The following TMEM266 variants were observed in gnomAD, a reference collection of about 807,000 sequenced individuals.
TMEM266 encodes the protein Hv1 related protein 1.
Under a neutral mutation model 50.5 loss-of-function variants are expected in TMEM266, and 33 were observed. The observed-to-expected ratio is 0.65, with a 90% CI of 0.50 to 0.87. The LOEUF (loss-of-function observed/expected upper bound fraction) is 0.87, where lower values mean the gene tolerates loss of function less well. TMEM266 is among the 40% of genes least tolerant of loss of function. The pLI, the probability that TMEM266 is intolerant of heterozygous loss-of-function variation, is 0.00. For synonymous variants in TMEM266, 310 were observed against 292.3 expected, an observed-to-expected ratio of 1.06 and a Z score of -0.62; for missense variants, 655 against 695.1, an observed-to-expected ratio of 0.94 and a Z score of 0.65.
At chr15:76,090,491 CAAAAAAAA>C (rs34778511) in intron 1 of TMEM266, among the ~76,000 whole-genome samples, 7 of 74,364 alleles carry the variant, frequency 9.4e-5, no homozygotes, top group African/African-American at 3.2e-4. Flanking sequence ...GACTCTGTCT[CAAAAAAAA>C]AAAAAAAAAA....
At chr15:76,102,365 G>T (rs1054668800) in intron 1 of TMEM266, among the ~76,000 whole-genome samples, 9 of 152,178 alleles carry the variant, frequency 5.9e-5, no homozygotes, top group Non-Finnish European at 1.3e-4. Context: ...CTGGGAGATA[G>T]GGAATGTGGG....
intron 1 of TMEM266, among the ~76,000 whole-genome samples, chr15:76,130,260 G>A (rs1053594099): frequency 7.4e-6 from 1 of 135,158 alleles, no homozygotes; most frequent in African/African-American, 2.8e-5. Context: ...AAAAACCGCC[G>A]GGTGCAGTGT....
intron 9 of TMEM266, among the ~76,000 whole-genome samples, chr15:76,198,016 G>A (rs1305358001): frequency 6.6e-6 from 1 of 152,238 alleles, no homozygotes; most frequent in Non-Finnish European, 1.5e-5. Context: ...AAAGGCGCCA[G>A]GCAGCAGAGA....
intron 8 of TMEM266, among the ~76,000 whole-genome samples, chr15:76,180,782 T>G (rs2142071151): frequency 6.6e-6 from 1 of 151,728 alleles, no homozygotes; most frequent in South Asian, 2.1e-4. Context: ...CCCAGCTAAT[T>G]TTTGTATTTT....
intron 1 of TMEM266, among the ~76,000 whole-genome samples, chr15:76,088,396 A>G (rs1295239764): frequency 1.3e-5 from 2 of 152,136 alleles, no homozygotes; most frequent in Non-Finnish European, 2.9e-5. Flanking sequence ...GCTCACACCT[A>G]CAATCCTAGC....
At chr15:76,073,764 C>T (rs2036569304) in intron 1 of TMEM266, among the ~76,000 whole-genome samples, 1 of 152,216 alleles carries the variant, frequency 6.6e-6, no homozygotes, top group South Asian at 2.1e-4. Context: ...TATCAAATGA[C>T]ACATTGTAGA....
chr15:76,183,248 T>C (rs1357662769), intron 8 of TMEM266, among the ~76,000 whole-genome samples: 2 of 150,924 alleles, frequency 1.3e-5, no homozygotes, highest in Non-Finnish European at 2.9e-5. Context: ...CCCGAGTAGC[T>C]GGGATTACAG....
chr15:76,170,182 C>G (rs1483815817), intron 6 of TMEM266, among the ~76,000 whole-genome samples: 1 of 152,208 alleles, frequency 6.6e-6, no homozygotes, highest in Non-Finnish European at 1.5e-5. Context: ...TAAATCCACC[C>G]TAAATGGAAA....
intron 8 of TMEM266, among the ~76,000 whole-genome samples, chr15:76,176,855 C>T (rs1473231561): frequency 1.3e-5 from 2 of 152,186 alleles, no homozygotes; most frequent in African/African-American, 4.8e-5. Flanking sequence ...TCTCATGTGG[C>T]GTACAGGCCT....
chr15:76,101,854 T>A (rs1360650211), intron 1 of TMEM266, among the ~76,000 whole-genome samples: 1 of 152,212 alleles, frequency 6.6e-6, no homozygotes, highest in Non-Finnish European at 1.5e-5. Flanking sequence ...TGGGGGTAGA[T>A]GCTCGGAGGT....
chr15:76,062,447 G>A (rs548656779), intron 1 of TMEM266, among the ~76,000 whole-genome samples: 31 of 152,324 alleles, frequency 2.0e-4, no homozygotes, highest in African/African-American at 6.5e-4. Context: ...ACTCAGTTTA[G>A]GAGGAGCACA....
chr15:76,156,381 GAAA>G (rs200638252), intron 3 of TMEM266, among the ~76,000 whole-genome samples: 1 of 150,826 alleles, frequency 6.6e-6, no homozygotes, highest in Non-Finnish European at 1.5e-5. Flanking sequence ...GAAAAGAAAA[GAAA>G]AAAAAAGTGG....
intron 6 of TMEM266, among the ~76,000 whole-genome samples, 197 bp downstream of exon 6, chr15:76,170,069 A>G (rs1343936745): frequency 6.6e-6 from 1 of 152,212 alleles, no homozygotes; most frequent in Non-Finnish European, 1.5e-5. Context: ...GTTCTGAAAC[A>G]TTCATTTAGA....
intron 4 of TMEM266, among the ~76,000 whole-genome samples, chr15:76,159,799 C>A (rs2142050145): frequency 6.6e-6 from 1 of 152,144 alleles, no homozygotes; most frequent in South Asian, 2.1e-4. Flanking sequence ...TGGCTACAGC[C>A]AAAAGCCCAC....
intron 8 of TMEM266, among the ~76,000 whole-genome samples, chr15:76,183,718 A>G (rs1341637696): frequency 1.3e-5 from 2 of 152,220 alleles, no homozygotes; most frequent in Non-Finnish European, 2.9e-5. Context: ...CAGGCGGCAC[A>G]GCCACACTTA....
At chr15:76,071,979 A>T (rs2036545714) in intron 1 of TMEM266, among the ~76,000 whole-genome samples, 1 of 152,116 alleles carries the variant, frequency 6.6e-6, no homozygotes, top group Admixed American at 6.5e-5. Flanking sequence ...CCAGAAAGCT[A>T]TGAAGTCTGT....
At chr15:76,086,329 T>C (rs2141995107) in intron 1 of TMEM266, among the ~76,000 whole-genome samples, 1 of 152,262 alleles carries the variant, frequency 6.6e-6, no homozygotes, top group Middle Eastern at 3.4e-3. Flanking sequence ...AATGAAGCAA[T>C]GGTGATAGAA....
intron 5 of TMEM266, among the ~76,000 whole-genome samples, chr15:76,165,376 A>G (rs2038079141): frequency 6.6e-6 from 1 of 152,248 alleles, no homozygotes; most frequent in Non-Finnish European, 1.5e-5. Context: ...CTCAAATGGT[A>G]TAAAAACTTT....
chr15:76,089,165 G>A (rs1253433462), intron 1 of TMEM266, among the ~76,000 whole-genome samples: 1 of 150,426 alleles, frequency 6.6e-6, no homozygotes, highest in African/African-American at 2.4e-5. Context: ...ACAGGTGTGA[G>A]CAGGGGCCGT....
Sources: gnomAD v4.1 joint callset for allele counts (sites outside exome capture counted in the v4.1 genomes callset) on GRCh38, gnomAD v4.1.1 for gene constraint, MANE v1.5 for transcripts, NCBI Gene and HGNC (gene_info 2026-07-23, HGNC 2026-07-21) for gene names.